The following DDI2 variants were observed in gnomAD, a reference collection of about 807,000 sequenced individuals.
The protein encoded by DDI2 is protein DDI1 homolog 2.
Under a neutral mutation model 48.1 loss-of-function variants are expected in DDI2, and 5 were observed. The ratio of observed to expected loss-of-function variants is 0.10; its 90% CI spans 0.05 to 0.22. The LOEUF is 0.22. DDI2 is among the 10% of genes least tolerant of loss of function. The pLI, the probability that DDI2 is intolerant of heterozygous loss-of-function variation, is 1.00. For missense variants in DDI2, 285 were observed against 506.2 expected (o/e 0.56, Z 4.19); for synonymous variants, 205 against 183.6 (o/e 1.12, Z -0.94).
intron 5 of DDI2, among the ~76,000 whole-genome samples, 154 bp downstream of exon 5, chr1:15,638,588 G>A (rs1430735431): frequency 7.3e-6 from 1 of 137,776 alleles, no homozygotes; most frequent in African/African-American, 2.7e-5. Context: ...AGGCCAAAGT[G>A]CAGTGGCGTG....
At chr1:15,645,617 C>T (rs1406527429) in intron 6 of DDI2, among the ~76,000 whole-genome samples, 1 of 151,926 alleles carries the variant, frequency 6.6e-6, no homozygotes, top group Non-Finnish European at 1.5e-5. Flanking sequence ...ACCTATAATC[C>T]CAGTGCTTTA....
At chr1:15,650,577 G>A (rs1426039628) in intron 7 of DDI2, among the ~76,000 whole-genome samples, 1 of 152,058 alleles carries the variant, frequency 6.6e-6, no homozygotes, top group Non-Finnish European at 1.5e-5. Context: ...GTGAGACCCT[G>A]TCTCTACAAA....
At chr1:15,638,913 G>A (rs1639966837) in intron 5 of DDI2, among the ~76,000 whole-genome samples, 1 of 152,082 alleles carries the variant, frequency 6.6e-6, no homozygotes, top group Non-Finnish European at 1.5e-5. Context: ...TTTGTATTTT[G>A]TGGTGTCTCC....
At chr1:15,646,644 G>C (rs1640096295) in intron 6 of DDI2, among the ~76,000 whole-genome samples, 1 of 151,876 alleles carries the variant, frequency 6.6e-6, no homozygotes, top group Admixed American at 6.6e-5. Context: ...CTGAGATTGT[G>C]CCATTTCACT....
intron 6 of DDI2, among the ~76,000 whole-genome samples, chr1:15,644,428 A>G (rs967336509): frequency 6.6e-6 from 1 of 152,018 alleles, no homozygotes; most frequent in Admixed American, 6.6e-5. Context: ...TTTTCCCTAC[A>G]TTATACTGGT....
intron 1 of DDI2, among the ~76,000 whole-genome samples, chr1:15,619,051 G>A (rs981433507): frequency 6.6e-6 from 1 of 152,206 alleles, no homozygotes; most frequent in Non-Finnish European, 1.5e-5. Context: ...TTCTGTCAGT[G>A]AATGCCTCAT....
Position 15,661,217 on chromosome 1 carries a change from G to A in DDI2, c.*1427G>A. 2 of 1,614,172 alleles carry A rather than the reference G, an allele frequency of 1.2e-6. No homozygotes were observed. The highest frequency in any genetic ancestry group is 1.7e-6 in the Non-Finnish European group (2 of 1,180,026). ...GAAAATGTAAACTTCAGGAGTCTAGGTGATGGCCTGTCAACCGATAAGGAA... is the reference window on the plus strand; with the variant it reads ...GAAAATGTAAACTTCAGGAGTCTAGATGATGGCCTGTCAACCGATAAGGAA... On this transcript the variant is annotated 3_prime_UTR_variant, in exon 10 of 10. Coordinates refer to ENST00000480945, the MANE Select transcript of DDI2 (RefSeq NM_032341.5).
chr1:15,637,231 T>C (rs1639943473), intron 4 of DDI2, among the ~76,000 whole-genome samples: 1 of 152,154 alleles, frequency 6.6e-6, no homozygotes, highest in South Asian at 2.1e-4. Flanking sequence ...TTCCTTCCTT[T>C]TGGTGGGGAG....
rs1319861421 is a variant in DDI2 at position 15,662,086 on chromosome 1, C to G, written c.*2296C>G. On this transcript the variant is annotated 3_prime_UTR_variant, in exon 10 of 10. Coordinates refer to ENST00000480945, the MANE Select transcript of DDI2 (RefSeq NM_032341.5). ...TTGAAAAGCAGAAGCCATGAGAAAT[C>G]CCACTACCCATCCAGCTAAAAACAG... The G allele has an allele frequency of 1.2e-5, 2 of 168,404 alleles. No individual in the cohort carries two copies. Among genetic ancestry groups the G allele is most frequent in the East Asian group, 1.7e-4 (1 of 5,792 alleles). 10.4% of individuals were successfully genotyped at this position (168,404 alleles called of 1,614,324 possible).
At chr1:15,658,035 A>G (rs1404226678) in intron 9 of DDI2, among the ~76,000 whole-genome samples, 3 of 152,224 alleles carry the variant, frequency 2.0e-5, no homozygotes, top group Admixed American at 6.5e-5. Flanking sequence ...TTTAAGATCA[A>G]GCCCTCTTGT....
chr1:15,626,180 C>A (rs757223866), intron 1 of DDI2, among the ~76,000 whole-genome samples: 1 of 152,144 alleles, frequency 6.6e-6, no homozygotes, highest in Non-Finnish European at 1.5e-5. Flanking sequence ...ATAACAGGCC[C>A]TGTTCTAAGC....
intron 1 of DDI2, among the ~76,000 whole-genome samples, chr1:15,619,395 C>A (rs976613245): frequency 1.4e-5 from 2 of 144,242 alleles, no homozygotes; most frequent in Non-Finnish European, 3.0e-5. Context: ...CAAAATGCTG[C>A]GATTACAGGT....
intron 4 of DDI2, among the ~76,000 whole-genome samples, chr1:15,637,371 G>A (rs893372779): frequency 2.0e-5 from 3 of 151,990 alleles, no homozygotes; most frequent in Admixed American, 2.0e-4. Context: ...CACTGCACCT[G>A]GCATGTTGAT....
intron 8 of DDI2, among the ~76,000 whole-genome samples, chr1:15,654,032 C>T (rs763979302): frequency 3.0e-4 from 45 of 152,218 alleles, no homozygotes; most frequent in Non-Finnish European, 5.6e-4. Flanking sequence ...GATGTATTTT[C>T]TAGAAGCTGA....
chr1:15,624,228 T>C (rs1011022755), intron 1 of DDI2, among the ~76,000 whole-genome samples: 9 of 152,184 alleles, frequency 5.9e-5, no homozygotes, highest in Non-Finnish European at 1.0e-4. Flanking sequence ...TACCTGCCAT[T>C]TCTCTTGACA....
intron 1 of DDI2, among the ~76,000 whole-genome samples, chr1:15,618,424 T>C (rs972267661): frequency 3.3e-5 from 5 of 152,188 alleles, no homozygotes; most frequent in African/African-American, 1.2e-4. Flanking sequence ...TTAAATTCTT[T>C]TGAAAAACAG....
chr1:15,652,374 A>G (rs76141545), intron 8 of DDI2, among the ~76,000 whole-genome samples: 29,417 of 145,302 alleles, frequency 0.2, 3,093 homozygotes, highest in Middle Eastern at 0.25. Flanking sequence ...TCTTAATACA[A>G]TAATGAAAAA....
chr1:15,623,996 A>G (rs1390828202), intron 1 of DDI2, among the ~76,000 whole-genome samples: 1 of 152,146 alleles, frequency 6.6e-6, no homozygotes. Flanking sequence ...CGGAGCTTAC[A>G]GTGAGCCGAG....
intron 8 of DDI2, among the ~76,000 whole-genome samples, chr1:15,653,252 T>C (rs914822009): frequency 1.6e-4 from 24 of 151,092 alleles, no homozygotes; most frequent in African/African-American, 5.4e-4. Context: ...TTCTTAGGAC[T>C]GTTTTATTTT....
Sources: allele counts gnomAD v4.1 joint callset (sites outside exome capture counted in the v4.1 genomes callset), GRCh38; gene constraint gnomAD v4.1.1; transcripts MANE v1.5; gene names NCBI Gene and HGNC (gene_info 2026-07-23, HGNC 2026-07-21).